EML6: variants seen among roughly 807,000 people sequenced by gnomAD.
EML6 encodes echinoderm microtubule-associated protein-like 6.
In EML6, 154 loss-of-function variants were observed where a neutral mutation model predicts 240.1. The observed-to-expected ratio is 0.64, with a 90% confidence interval of 0.56 to 0.73. EML6 has a LOEUF of 0.73. Among genes scored for constraint, EML6 ranks in the 30% least tolerant of loss-of-function variants. The pLI, the probability that EML6 is intolerant of heterozygous loss-of-function variation, is 0.00. For missense variants in EML6, 2,964 were observed against 2,474.6 expected (o/e 1.20, Z -4.20); for synonymous variants, 1,148 against 899.0 (o/e 1.28, Z -4.95).
chr2:54,822,619 A>G (rs916656535), intron 5 of EML6, among the ~76,000 whole-genome samples: 2 of 152,166 alleles, frequency 1.3e-5, no homozygotes, highest in Non-Finnish European at 2.9e-5. Flanking sequence ...AATCTATTAT[A>G]TGGGGAAGTT....
chr2:54,854,099 T>A (rs1444011905), intron 11 of EML6, among the ~76,000 whole-genome samples: 3 of 152,248 alleles, frequency 2.0e-5, no homozygotes, highest in Non-Finnish European at 4.4e-5. Flanking sequence ...TATTGTGATT[T>A]GTAAGCCTTG....
chr2:54,884,133 TTC>T (rs1411938681), intron 17 of EML6, among the ~76,000 whole-genome samples: 6 of 152,316 alleles, frequency 3.9e-5, no homozygotes, highest in African/African-American at 1.4e-4. Context: ...AGGGCTCAGT[TTC>T]TGAGACCGTT....
At chr2:54,885,722 T>C (rs778735350) in intron 17 of EML6, among the ~76,000 whole-genome samples, 9 of 151,936 alleles carry the variant, frequency 5.9e-5, no homozygotes, top group Non-Finnish European at 1.0e-4. Flanking sequence ...CGCCATTCTC[T>C]TGCCTCAGCC....
At chr2:54,886,123 A>G (rs1220235114) in intron 17 of EML6, among the ~76,000 whole-genome samples, 1 of 144,298 alleles carries the variant, frequency 6.9e-6, no homozygotes, top group Non-Finnish European at 1.5e-5. Context: ...CATACTACAC[A>G]TTGCACAAAT....
At chr2:54,938,967 C>T (rs1675289450) in intron 28 of EML6, among the ~76,000 whole-genome samples, 1 of 152,164 alleles carries the variant, frequency 6.6e-6, no homozygotes, top group Non-Finnish European at 1.5e-5. Context: ...GTAAAGCTCT[C>T]CTCTCCCAAG....
chr2:54,949,022 C>T, intron 29 of EML6, 62 bp downstream of exon 29: 1 of 1,199,686 alleles, frequency 8.3e-7, no homozygotes, highest in Non-Finnish European at 1.2e-6. Context: ...GGTAGACATC[C>T]CCATCTGCAC....
At chr2:54,924,770 C>A (rs538210408) in intron 26 of EML6, among the ~76,000 whole-genome samples, 7 of 152,240 alleles carry the variant, frequency 4.6e-5, no homozygotes, top group Non-Finnish European at 8.8e-5. Flanking sequence ...GCCGTGTTGG[C>A]CAGACTGGTC....
intron 6 of EML6, among the ~76,000 whole-genome samples, chr2:54,828,159 G>T (rs1022728519): frequency 3.3e-5 from 5 of 152,182 alleles, no homozygotes; most frequent in African/African-American, 4.8e-5. Context: ...AACAGGAAAG[G>T]TGTAGATAAC....
intron 2 of EML6, among the ~76,000 whole-genome samples, chr2:54,775,231 C>T (rs1204868983): frequency 6.6e-6 from 1 of 152,202 alleles, no homozygotes; most frequent in Non-Finnish European, 1.5e-5. Flanking sequence ...AGTGTATTGA[C>T]AGTGAAATGC....
At chr2:54,763,641 G>A (rs1668066418) in intron 2 of EML6, among the ~76,000 whole-genome samples, 2 of 152,186 alleles carry the variant, frequency 1.3e-5, no homozygotes, top group Non-Finnish European at 1.5e-5. Flanking sequence ...TGTTCTCCAA[G>A]TCATAGAAAA....
At chr2:54,766,520 A>G (rs1668194179) in intron 2 of EML6, among the ~76,000 whole-genome samples, 1 of 152,200 alleles carries the variant, frequency 6.6e-6, no homozygotes, top group African/African-American at 2.4e-5. Flanking sequence ...AGTACATAAT[A>G]TCAGGAGGCA....
intron 2 of EML6, among the ~76,000 whole-genome samples, chr2:54,778,107 A>C (rs1668677130): frequency 6.6e-6 from 1 of 152,218 alleles, no homozygotes; most frequent in South Asian, 2.1e-4. Context: ...TCATTTAGAC[A>C]TGTCAGGGTA....
intron 2 of EML6, among the ~76,000 whole-genome samples, chr2:54,808,833 A>G (rs934043479): frequency 1.7e-4 from 26 of 152,306 alleles, no homozygotes; most frequent in Non-Finnish European, 3.1e-4. Context: ...TCAGGAAGAC[A>G]TGCTTTTCCC....
rs146055269 is a variant in EML6 at position 54,895,379 on chromosome 2, C to G, written c.2961C>G (p.Gly987=). The G allele has an allele frequency of 1.9e-4, 299 of 1,551,934 alleles. No homozygotes were observed. Among genetic ancestry groups the G allele is most frequent in the Non-Finnish European group, 2.5e-4 (286 of 1,146,946 alleles). ...AGATTCTGGAAATTGATAAGAGTGGCCCAATGACACTGCTTGTTCAGGTAC... is the reference window on the plus strand; with the variant it reads ...AGATTCTGGAAATTGATAAGAGTGGGCCAATGACACTGCTTGTTCAGGTAC... The part of the protein sequence containing the change: ...NGEILEIDKS[G]PMTLLVQGHM... The change falls in exon 21 of 42, where the codon GGC becomes GGG. Residue 987 remains glycine, a synonymous_variant. Transcript: ENST00000356458.
chr2:54,818,516 G>C (rs968661821), intron 4 of EML6, among the ~76,000 whole-genome samples: 1 of 152,088 alleles, frequency 6.6e-6, no homozygotes, highest in African/African-American at 2.4e-5. Flanking sequence ...TTTTCCCCAG[G>C]ATACATATGC....
intron 24 of EML6, among the ~76,000 whole-genome samples, chr2:54,909,246 G>C (rs929028709): frequency 6.6e-6 from 1 of 152,208 alleles, no homozygotes. Flanking sequence ...CCTAAAAATA[G>C]AATTACTTTA....
intron 29 of EML6, among the ~76,000 whole-genome samples, chr2:54,949,401 C>A (rs1328026742): frequency 6.6e-6 from 1 of 152,218 alleles, no homozygotes; most frequent in East Asian, 1.9e-4. Flanking sequence ...TCTTCACACA[C>A]AGGAGGGACG....
chr2:54,887,663 T>C (rs1041316139), intron 17 of EML6, among the ~76,000 whole-genome samples: 1 of 152,270 alleles, frequency 6.6e-6, no homozygotes, highest in Non-Finnish European at 1.5e-5. Context: ...CTAAATAGTT[T>C]AGAATCTATC....
At chr2:54,778,931 A>G (rs1024621425) in intron 2 of EML6, among the ~76,000 whole-genome samples, 1 of 151,356 alleles carries the variant, frequency 6.6e-6, no homozygotes, top group African/African-American at 2.4e-5. Context: ...TGAATTGTTA[A>G]ATTAATAAAT....
Sources: allele counts gnomAD v4.1 joint callset (sites outside exome capture counted in the v4.1 genomes callset), GRCh38; gene constraint gnomAD v4.1.1; transcripts MANE v1.5; gene names NCBI Gene and HGNC (gene_info 2026-07-23, HGNC 2026-07-21).